GNAI2: variants seen among roughly 807,000 people sequenced by gnomAD.
The protein encoded by GNAI2 is G protein subunit alpha i2, also known as guanine nucleotide-binding protein G(i) subunit alpha-2.
GNAI2 carries 4 observed loss-of-function variants against 36.8 expected under a neutral mutation model. The ratio of observed to expected loss-of-function variants is 0.11; its 90% CI spans 0.05 to 0.25. GNAI2 has a LOEUF of 0.25. GNAI2 is among the 10% of genes least tolerant of loss of function. GNAI2 has a pLI of 1.00. For missense variants in GNAI2, 230 were observed against 481.3 expected, an observed-to-expected ratio of 0.48 and a Z score of 4.89; for synonymous variants, 194 against 194.1, an observed-to-expected ratio of 1.00 and a Z score of 0.01.
rs1240918748 is a variant in GNAI2, at chr3:50,241,078, G to A, written c.118+4625G>A. Among the ~76,000 whole-genome samples, 1 of 152,176 alleles carries A rather than the reference G, an allele frequency of 6.6e-6. No homozygotes were observed. Among genetic ancestry groups the A allele is most frequent in the African/African-American group, 2.4e-5 (1 of 41,436 alleles). On this transcript the variant is annotated intron_variant, in intron 1 of 8. Transcript: ENST00000313601. This position sits in a 1 kb window ranked among gnomAD's most constrained non-coding sequence, Gnocchi z 5.0. ...CTCAGGCAGCTGTTCACAGCAAGTGGGGAGCCCAAGGCGTGCAGATAGTTG... is the reference window on the plus strand; with the variant it reads ...CTCAGGCAGCTGTTCACAGCAAGTGAGGAGCCCAAGGCGTGCAGATAGTTG...
intron 1 of GNAI2, among the ~76,000 whole-genome samples, chr3:50,249,128 C>A (rs1386575744): frequency 6.6e-6 from 1 of 152,164 alleles, no homozygotes; most frequent in African/African-American, 2.4e-5. Flanking sequence ...GACCTCAGGT[C>A]CCCCATGCCC....
Position 50,255,218 on chromosome 3 carries a change from G to A in GNAI2, c.465-974G>A, listed in dbSNP as rs782296787. ...CCCCAGGAATGAAAAGTCAGCTCTG[G>A]GCAGCAGCCTGGAGGCCTGGGACCA... On this transcript the variant is annotated intron_variant, in intron 4 of 8. Transcript: ENST00000313601. The surrounding 1 kb of genome is among the most constrained non-coding windows in gnomAD (Gnocchi z 4.0). Among the ~76,000 whole-genome samples, 7 of 152,208 alleles carry A rather than the reference G, an allele frequency of 4.6e-5. No homozygotes were observed. The highest frequency in any genetic ancestry group is 1.0e-4 in the Non-Finnish European group (7 of 68,024).
chr3:50,227,557 CG>C (rs1197435802), upstream of GNAI2: 1 of 174,750 alleles, frequency 5.7e-6, no homozygotes, highest in Admixed American at 6.3e-5. This position sits in a 1 kb window ranked among gnomAD's most constrained non-coding sequence, Gnocchi z 5.9. Context: ...CGAAATCCCG[CG>C]CTCCGGCCTA....
chr3:50,251,175 A>G (rs1199449190), intron 1 of GNAI2, among the ~76,000 whole-genome samples: 2 of 152,120 alleles, frequency 1.3e-5, no homozygotes, highest in Non-Finnish European at 2.9e-5. Context: ...CATTTTGAGA[A>G]TGGCAGGGTG....
chr3:50,256,173 T>TCCCCCCCCCC lies in GNAI2; in HGVS notation c.465-16_465-15insCCCCCCCCCC. 3.9e-6 allele frequency: 2 copies of TCCCCCCCCCC among 517,100 alleles called. No homozygotes were observed. Among genetic ancestry groups the TCCCCCCCCCC allele is most frequent in the Non-Finnish European group, 3.3e-6 (1 of 302,332 alleles). 32.0% of individuals were successfully genotyped at this position (517,100 alleles called of 1,614,324 possible). ...GCCCCATGCTGGCCCCCACTGACCC[T>TCCCCCCCCCC]CCCACCCCCCATCCCCAGCTACCTG... On this transcript the variant is annotated intron_variant, in intron 4 of 8. Coordinates refer to ENST00000313601, the MANE Select transcript of GNAI2 (RefSeq NM_002070.4).
upstream of GNAI2, among the ~76,000 whole-genome samples, chr3:50,233,246 CAGGACCTGGCCTGGGGCTGGGGA>C (rs1383160290): frequency 6.6e-6 from 1 of 152,158 alleles, no homozygotes; most frequent in Non-Finnish European, 1.5e-5. Context: ...GCCATAACCA[CAGGACCTGGCCTGGGGCTGGGGA>C]AGGCCATGCC....
At chr3:50,237,329 C>G (rs1700197308) in intron 1 of GNAI2, among the ~76,000 whole-genome samples, 1 of 152,070 alleles carries the variant, frequency 6.6e-6, no homozygotes, top group African/African-American at 2.4e-5. Context: ...TTTCCAGTTT[C>G]GAAGGCCAGT....
intron 6 of GNAI2, 28 bp downstream of exon 6, chr3:50,256,880 G>T (rs782194861): frequency 2.5e-6 from 4 of 1,613,728 alleles, no homozygotes; most frequent in Non-Finnish European, 3.4e-6. Flanking sequence ...TGCTGCGGGT[G>T]GGGGCAGCGG....
rs1376176677 is a variant in GNAI2 at position 50,258,982 on chromosome 3, CAGCCCCCCTTCCA to C, written c.*642_*654del. ...AGATCCTGACCAGCAAGCCCCCCCC[CAGCCCCCCTTCCA>C]AGTGACTCCGTGCCTTGAGTGTGTC... On this transcript the variant is annotated 3_prime_UTR_variant, in exon 9 of 9. Coordinates refer to ENST00000313601, the MANE Select transcript of GNAI2 (RefSeq NM_002070.4). The C allele has an allele frequency of 9.6e-5, 43 of 447,090 alleles. 1 individual carries two copies. The East Asian group carries it at 2.8e-3, about 29-fold the overall frequency. The allele number at this position is 447,090 out of a possible 1,614,324, so 27.7% of individuals were successfully genotyped here. A position where few individuals can be genotyped will look rare whatever the true frequency, so the allele number is the denominator to read the frequency against.
intron 5 of GNAI2, 89 bp from the exon 6 acceptor site, chr3:50,256,634 C>G (rs41291724): frequency 0.092 from 130,256 of 1,411,186 alleles, 6,289 homozygotes; most frequent in South Asian, 0.1. Context: ...TCTGGGCAGG[C>G]CTCTGTCCTC....
upstream of GNAI2, among the ~76,000 whole-genome samples, chr3:50,235,477 G>A (rs1272964717): frequency 2.0e-5 from 3 of 152,080 alleles, no homozygotes; most frequent in Non-Finnish European, 4.4e-5. Flanking sequence ...CCACGACCAC[G>A]CCCGGGTAAT....
intron 1 of GNAI2, among the ~76,000 whole-genome samples, chr3:50,248,049 A>G (rs1369053734): frequency 6.6e-6 from 1 of 152,266 alleles, no homozygotes; most frequent in African/African-American, 2.4e-5. Flanking sequence ...AGCCTGGCCA[A>G]CATGGTGAAA....
At chr3:50,230,639 G>A, upstream of GNAI2, 1 of 183,702 alleles carries the variant, frequency 5.4e-6, no homozygotes, top group Non-Finnish European at 1.0e-5. Context: ...AGCTGGACCT[G>A]CTGTGCTGCC....
chr3:50,231,432 C>A (rs1700065418), upstream of GNAI2, among the ~76,000 whole-genome samples: 1 of 152,224 alleles, frequency 6.6e-6, no homozygotes, highest in Admixed American at 6.5e-5. Context: ...GCATGCGCTG[C>A]CACGCCCAGC....
chr3:50,233,442 G>A (rs910627812), upstream of GNAI2, among the ~76,000 whole-genome samples: 1 of 152,204 alleles, frequency 6.6e-6, no homozygotes, highest in African/African-American at 2.4e-5. Context: ...CCAGAGGAGC[G>A]AGGATCAGCT....
rs781921675 is a variant in GNAI2 at position 50,258,976 on chromosome 3, C to A, written c.*633C>A. 3 of 446,898 alleles carry A rather than the reference C, an allele frequency of 6.7e-6. No homozygotes were observed. The Admixed American group carries it at 7.6e-5, about 11-fold the overall frequency. 27.7% of individuals were successfully genotyped at this position (446,898 alleles called of 1,614,324 possible). On this transcript the variant is annotated 3_prime_UTR_variant, in exon 9 of 9. Transcript: ENST00000313601. ...ACTGTCAGATCCTGACCAGCAAGCC[C>A]CCCCCCAGCCCCCCTTCCAAGTGAC...
upstream of GNAI2, among the ~76,000 whole-genome samples, chr3:50,234,356 CTTT>C (rs1402222902): frequency 2.2e-5 from 3 of 134,278 alleles, no homozygotes; most frequent in Middle Eastern, 4.0e-3. Context: ...CGTGCCCGGT[CTTT>C]TTTTTTTTTT....
chr3:50,235,760 A>G (rs1227369612), upstream of GNAI2, among the ~76,000 whole-genome samples: 5 of 152,194 alleles, frequency 3.3e-5, no homozygotes, highest in African/African-American at 1.2e-4. Context: ...TAACTTTAAC[A>G]AATGACAAAG....
intron 1 of GNAI2, among the ~76,000 whole-genome samples, chr3:50,250,891 C>A (rs1700541478): frequency 1.3e-5 from 2 of 151,898 alleles, no homozygotes; most frequent in African/African-American, 4.8e-5. Flanking sequence ...CTCACTGCAA[C>A]CTCCACCTCC....
Sources: allele counts gnomAD v4.1 joint callset (sites outside exome capture counted in the v4.1 genomes callset), GRCh38; gene constraint gnomAD v4.1.1; non-coding constraint Gnocchi (gnomAD v3.1); transcripts MANE v1.5; gene names NCBI Gene and HGNC (gene_info 2026-07-23, HGNC 2026-07-21).